Variants in BMAL1 observed in about 807,000 individuals in gnomAD.
The protein encoded by BMAL1 is basic helix-loop-helix ARNT like 1.
the BMAL1 span, among the ~76,000 whole-genome samples, chr11:13,327,234 G>GAA: frequency 0.33 from 34,881 of 104,644 alleles, 4,470 homozygotes; most frequent in East Asian, 0.51. Context: ...TCTCTTTTAT[G>GAA]AAAAAAAAAA....
chr11:13,371,390 C>A, the BMAL1 span, among the ~76,000 whole-genome samples: 2 of 152,152 alleles, frequency 1.3e-5, no homozygotes, highest in East Asian at 1.9e-4. Context: ...ACAGCAAATC[C>A]CAACAGTTTG....
chr11:13,326,548 A>T, the BMAL1 span: 1 of 152,196 alleles, frequency 6.6e-6, no homozygotes, highest in Non-Finnish European at 1.5e-5. Flanking sequence ...ACAGATGAGG[A>T]AGCTGAAGCT....
At chr11:13,358,420 A>C in the BMAL1 span, 1 of 1,531,068 alleles carries the variant, frequency 6.5e-7, no homozygotes, top group Non-Finnish European at 8.8e-7. Flanking sequence ...ATCGTTTTTC[A>C]TATTGTTGTT....
the BMAL1 span, among the ~76,000 whole-genome samples, chr11:13,304,163 C>T: frequency 6.6e-6 from 1 of 152,126 alleles, no homozygotes; most frequent in African/African-American, 2.4e-5. Flanking sequence ...ACAGGGCTCA[C>T]TCTGGCTGCT....
the BMAL1 span, among the ~76,000 whole-genome samples, chr11:13,375,420 ATGAAT>A: frequency 1.3e-5 from 2 of 152,206 alleles, no homozygotes; most frequent in Non-Finnish European, 2.9e-5. Context: ...AGCTTCACAA[ATGAAT>A]TGAAAGGCTC....
chr11:13,333,998 G>C, the BMAL1 span, among the ~76,000 whole-genome samples: 1 of 152,162 alleles, frequency 6.6e-6, no homozygotes, highest in Non-Finnish European at 1.5e-5. Context: ...TCCCAGTAAA[G>C]GTAACATGTA....
chr11:13,319,899 G>A, the BMAL1 span, among the ~76,000 whole-genome samples: 2 of 152,216 alleles, frequency 1.3e-5, no homozygotes, highest in East Asian at 3.9e-4. Flanking sequence ...GTGGGAGATG[G>A]CAAGTGACTG....
the BMAL1 span, among the ~76,000 whole-genome samples, chr11:13,349,192 C>T: frequency 6.6e-6 from 1 of 152,250 alleles, no homozygotes; most frequent in Non-Finnish European, 1.5e-5. Flanking sequence ...TGCCCAGGTG[C>T]ACTTGAGATT....
the BMAL1 span, among the ~76,000 whole-genome samples, chr11:13,346,413 G>A: frequency 3.3e-5 from 5 of 152,196 alleles, no homozygotes; most frequent in Admixed American, 6.5e-5. Flanking sequence ...GGGGGTCTTG[G>A]ATGTGATCAT....
At chr11:13,340,233 A>T in the BMAL1 span, among the ~76,000 whole-genome samples, 2 of 152,124 alleles carry the variant, frequency 1.3e-5, no homozygotes, top group African/African-American at 4.8e-5. Flanking sequence ...GACATAAGAG[A>T]TGCCCCCAGC....
the BMAL1 span, among the ~76,000 whole-genome samples, chr11:13,377,110 A>G: frequency 6.6e-6 from 1 of 152,098 alleles, no homozygotes; most frequent in African/African-American, 2.4e-5. Context: ...GGTGTGTACC[A>G]TACCCACTGG....
chr11:13,291,281 C>T, the BMAL1 span, among the ~76,000 whole-genome samples: 8 of 152,196 alleles, frequency 5.3e-5, 2 homozygotes, highest in Admixed American at 5.2e-4. Context: ...ATCATCACAA[C>T]CCTATGAGGG....
chr11:13,321,978 C>T, the BMAL1 span, among the ~76,000 whole-genome samples: 2 of 152,078 alleles, frequency 1.3e-5, no homozygotes, highest in Non-Finnish European at 2.9e-5. Context: ...GTCTGGGGTT[C>T]GGGTGGTCCT....
the BMAL1 span, among the ~76,000 whole-genome samples, chr11:13,372,803 C>T: frequency 6.6e-6 from 1 of 151,714 alleles, no homozygotes; most frequent in South Asian, 2.1e-4. Flanking sequence ...AGAGTGAGAC[C>T]CTGTTTCAAA....
the BMAL1 span, among the ~76,000 whole-genome samples, chr11:13,329,577 G>T: frequency 1.3e-5 from 2 of 152,160 alleles, no homozygotes. Flanking sequence ...GAACATTCTG[G>T]TTTCTAAGGA....
chr11:13,363,901 T>A, the BMAL1 span, among the ~76,000 whole-genome samples: 1 of 152,130 alleles, frequency 6.6e-6, no homozygotes, highest in African/African-American at 2.4e-5. Flanking sequence ...GCCAGGGTGC[T>A]ATGGAGTTGG....
the BMAL1 span, among the ~76,000 whole-genome samples, chr11:13,330,899 A>AGT: frequency 6.6e-6 from 1 of 152,162 alleles, no homozygotes; most frequent in African/African-American, 2.4e-5. Flanking sequence ...AGAGACATAA[A>AGT]CCCAGTGCTT....
the BMAL1 span, among the ~76,000 whole-genome samples, chr11:13,284,702 GC>G: frequency 6.6e-6 from 1 of 151,510 alleles, no homozygotes; most frequent in Admixed American, 6.6e-5. Context: ...AGCTCTTTTT[GC>G]CCCCTCGTAC....
the BMAL1 span, among the ~76,000 whole-genome samples, chr11:13,286,162 G>A: frequency 6.6e-6 from 1 of 152,188 alleles, no homozygotes; most frequent in African/African-American, 2.4e-5. Context: ...CATACTGGTT[G>A]GTATCAGCAG....
Sources: allele counts gnomAD v4.1 joint callset (sites outside exome capture counted in the v4.1 genomes callset), GRCh38; gene constraint gnomAD v4.1.1; transcripts MANE v1.5; gene names NCBI Gene and HGNC (gene_info 2026-07-23, HGNC 2026-07-21).